Variants in CAMTA1 observed in about 807,000 individuals in gnomAD.
CAMTA1 encodes the protein calmodulin-binding transcription activator 1.
In CAMTA1, 27 loss-of-function variants were observed where a neutral mutation model predicts 170.9. That is an observed-to-expected ratio of 0.16 (90% CI 0.12 to 0.22). The LOEUF (loss-of-function observed/expected upper bound fraction) is 0.22, where lower values mean the gene tolerates loss of function less well. Ranked by LOEUF, CAMTA1 falls within the 10% of genes least tolerant of loss-of-function variation. The probability of loss-of-function intolerance (pLI) is 1.00; values close to 1 mark genes in which losing one functional copy is unlikely to be tolerated. For missense variants in CAMTA1, 1,619 were observed against 2,217.2 expected (o/e 0.73, Z 5.42); for synonymous variants, 833 against 891.5 (o/e 0.93, Z 1.17).
At chr1:7,542,830 T>C (rs2094630297) in intron 6 of CAMTA1, among the ~76,000 whole-genome samples, 1 of 143,948 alleles carries the variant, frequency 6.9e-6, no homozygotes, top group South Asian at 2.2e-4. Context: ...ACGCCTGGCC[T>C]AAAACACAGT....
chr1:7,521,353 A>G (rs1027450324), intron 6 of CAMTA1, among the ~76,000 whole-genome samples: 3 of 152,172 alleles, frequency 2.0e-5, no homozygotes, highest in South Asian at 2.1e-4. Flanking sequence ...CTCCTTACCC[A>G]GTTTCCCCCA....
At chr1:6,791,130 TTA>T (rs1490674741) in intron 1 of CAMTA1, among the ~76,000 whole-genome samples, 16 of 151,472 alleles carry the variant, frequency 1.1e-4, no homozygotes, top group African/African-American at 2.9e-4. Context: ...TTTTTTTTTT[TTA>T]AATGTTCTAG....
At chr1:7,433,548 C>G (rs1417100920) in intron 5 of CAMTA1, among the ~76,000 whole-genome samples, 1 of 152,222 alleles carries the variant, frequency 6.6e-6, no homozygotes, top group Non-Finnish European at 1.5e-5. Context: ...GAAGCCACTA[C>G]TACCTCACCA....
At chr1:7,489,344 C>A (rs2093668227) in intron 6 of CAMTA1, among the ~76,000 whole-genome samples, 1 of 152,214 alleles carries the variant, frequency 6.6e-6, no homozygotes, top group Non-Finnish European at 1.5e-5. Context: ...AGGGTCTTTG[C>A]AGGGGAAGGA....
At position 7,766,607 on chromosome 1, in the gene CAMTA1, G is replaced by A. The variant is rs937250533; in HGVS notation, c.*116G>A. 13 of 820,340 alleles carry A rather than the reference G, an allele frequency of 1.6e-5. No homozygotes were observed. The highest frequency in any genetic ancestry group is 6.8e-5 in the African/African-American group (4 of 58,714). The allele number at this position is 820,340 out of a possible 1,614,324, so 50.8% of individuals were successfully genotyped here. ...CACGCACACACGCACACACACACACGTACACACACATACAAAATCCCTCTG... is the reference window on the plus strand; with the variant it reads ...CACGCACACACGCACACACACACACATACACACACATACAAAATCCCTCTG... On this transcript the variant is annotated 3_prime_UTR_variant, in exon 23 of 23. Coordinates refer to ENST00000303635, the MANE Select transcript of CAMTA1 (RefSeq NM_015215.4).
At chr1:7,184,530 G>A (rs955957838) in intron 4 of CAMTA1, among the ~76,000 whole-genome samples, 1 of 151,964 alleles carries the variant, frequency 6.6e-6, no homozygotes, top group Non-Finnish European at 1.5e-5. Context: ...ATTAAAAAAA[G>A]TAAAAAAGTA....
intron 5 of CAMTA1, among the ~76,000 whole-genome samples, chr1:7,259,237 C>T (rs1004718432): frequency 6.6e-5 from 10 of 152,192 alleles, no homozygotes; most frequent in African/African-American, 2.4e-4. Flanking sequence ...CGCCTTTCTG[C>T]TTCATGAGGT....
chr1:7,688,618 G>A (rs1474319032), intron 11 of CAMTA1, among the ~76,000 whole-genome samples: 1 of 152,190 alleles, frequency 6.6e-6, no homozygotes, highest in Non-Finnish European at 1.5e-5. Flanking sequence ...GGCAGCCTCT[G>A]AGGGGATGTG....
intron 6 of CAMTA1, among the ~76,000 whole-genome samples, chr1:7,581,175 C>T (rs2095257708): frequency 6.6e-6 from 1 of 152,198 alleles, no homozygotes; most frequent in South Asian, 2.1e-4. Flanking sequence ...GGAATCATCC[C>T]CTTTCCCTGG....
chr1:7,503,440 G>A (rs2094043632), intron 6 of CAMTA1, among the ~76,000 whole-genome samples: 1 of 152,218 alleles, frequency 6.6e-6, no homozygotes, highest in African/African-American at 2.4e-5. Context: ...CCAGGTAGAG[G>A]ACCATGGAGT....
intron 3 of CAMTA1, among the ~76,000 whole-genome samples, chr1:7,039,599 C>T (rs1430485992): frequency 6.6e-6 from 1 of 152,104 alleles, no homozygotes; most frequent in Admixed American, 6.5e-5. Context: ...TCTCAAGGGG[C>T]GTTCTATTCT....
intron 3 of CAMTA1, among the ~76,000 whole-genome samples, chr1:6,991,915 T>C (rs1056618073): frequency 6.6e-6 from 1 of 152,192 alleles, no homozygotes; most frequent in Non-Finnish European, 1.5e-5. Flanking sequence ...TTGGCCAGGT[T>C]GGTCTCAAAC....
chr1:6,787,753 A>G (rs937851118), intron 1 of CAMTA1, among the ~76,000 whole-genome samples: 4 of 152,238 alleles, frequency 2.6e-5, no homozygotes, highest in African/African-American at 9.6e-5. Flanking sequence ...AAGTCCCTGA[A>G]TGTGCGAAGC....
At chr1:6,896,713 C>T (rs755786427) in intron 3 of CAMTA1, among the ~76,000 whole-genome samples, 17 of 152,116 alleles carry the variant, frequency 1.1e-4, no homozygotes, top group Non-Finnish European at 2.1e-4. Flanking sequence ...TTTGCATCAG[C>T]TTCCTTAGGG....
At chr1:7,169,553 G>A (rs1299886305) in intron 4 of CAMTA1, among the ~76,000 whole-genome samples, 1 of 151,996 alleles carries the variant, frequency 6.6e-6, no homozygotes, top group Non-Finnish European at 1.5e-5. Context: ...ATGCCAGGCT[G>A]GAGTGCAGTA....
chr1:7,413,104 C>T (rs1208798811), intron 5 of CAMTA1, among the ~76,000 whole-genome samples: 1 of 151,042 alleles, frequency 6.6e-6, no homozygotes, highest in East Asian at 1.9e-4. Context: ...TGTTCTGTTC[C>T]ATTGATCTAT....
At chr1:7,747,388 A>G (rs565475488) in intron 18 of CAMTA1, among the ~76,000 whole-genome samples, 7 of 152,360 alleles carry the variant, frequency 4.6e-5, no homozygotes, top group Middle Eastern at 6.8e-3. Flanking sequence ...ATCCAAAAGT[A>G]AAGTAGTTGG....
At chr1:7,124,590 A>T (rs1558134455) in intron 4 of CAMTA1, among the ~76,000 whole-genome samples, 3 of 152,172 alleles carry the variant, frequency 2.0e-5, no homozygotes. Flanking sequence ...TGATGTGCTG[A>T]TCAATACTTT....
At chr1:7,256,270 C>A (rs1667344720) in intron 5 of CAMTA1, among the ~76,000 whole-genome samples, 1 of 152,178 alleles carries the variant, frequency 6.6e-6, no homozygotes, top group South Asian at 2.1e-4. Context: ...GTAGCAAGAG[C>A]AGCCCTAGGC....
Sources: allele counts gnomAD v4.1 joint callset (sites outside exome capture counted in the v4.1 genomes callset), GRCh38; gene constraint gnomAD v4.1.1; transcripts MANE v1.5; gene names NCBI Gene and HGNC (gene_info 2026-07-23, HGNC 2026-07-21).